Variants in CYP39A1 observed in about 807,000 individuals in gnomAD.
CYP39A1 encodes the protein 24-hydroxycholesterol 7-alpha-hydroxylase.
Under a neutral mutation model 58.1 loss-of-function variants are expected in CYP39A1, and 49 were observed. The observed-to-expected ratio is 0.84, with a 90% CI of 0.67 to 1.07. The LOEUF (loss-of-function observed/expected upper bound fraction) is 1.07, where lower values mean the gene tolerates loss of function less well. Ranked by LOEUF, CYP39A1 falls within the 50% of genes least tolerant of loss-of-function variation. CYP39A1 has a pLI of 0.00. For synonymous variants in CYP39A1, 209 were observed against 187.6 expected, an observed-to-expected ratio of 1.11 and a Z score of -0.93; for missense variants, 531 against 539.4, an observed-to-expected ratio of 0.98 and a Z score of 0.16.
Position 46,553,777 on chromosome 6 carries a change from A to G in CYP39A1, c.1328T>C (p.Leu443Ser). 6.2e-7 allele frequency: 1 copy of G among 1,607,292 alleles called. No individual in the cohort carries two copies. Among genetic ancestry groups the G allele is most frequent in the Non-Finnish European group, 8.5e-7 (1 of 1,174,436 alleles). Reference sequence around the variant, plus strand: ...TCTGAAAACACTTACCTGTTTGGGTAATGGGTCCAGAAGACTACAGTCATA... The same window carrying G: ...TCTGAAAACACTTACCTGTTTGGGTGATGGGTCCAGAAGACTACAGTCATA... Reference protein sequence around the residue: ...YKYDCSLLDPLPKQSYLHLVG... With the variant: ...YKYDCSLLDPSPKQSYLHLVG... The change falls in exon 11 of 12, where the codon TTA becomes TCA. Residue 443 changes from leucine to serine, a missense_variant. Coordinates refer to ENST00000275016, the MANE Select transcript of CYP39A1 (RefSeq NM_016593.5).
At chr6:46,583,637 T>C in intron 10 of CYP39A1, 1 of 972,904 alleles carries the variant, frequency 1.0e-6, no homozygotes, top group Non-Finnish European at 1.2e-6. Context: ...GTAGAATTAC[T>C]AGAAAGATTT....
In CYP39A1 at chr6:46,550,046, G is replaced by A; in HGVS notation, c.*320C>T. The A allele has an allele frequency of 4.8e-6, 1 of 207,242 alleles. No homozygotes were observed. The highest frequency in any genetic ancestry group is 9.5e-6 in the Non-Finnish European group (1 of 104,840). The allele number at this position is 207,242 out of a possible 1,614,324, so 12.8% of individuals were successfully genotyped here. A position where few individuals can be genotyped will look rare whatever the true frequency, so the allele number is the denominator to read the frequency against. On this transcript the variant is annotated 3_prime_UTR_variant, in exon 12 of 12. Transcript: ENST00000275016. ...AATGTGATAAGATTTTCATTCAAATGACATTATTTCTATTTAATGTTTTAA... is the reference window on the plus strand; with the variant it reads ...AATGTGATAAGATTTTCATTCAAATAACATTATTTCTATTTAATGTTTTAA...
chr6:46,605,857 C>T (rs1316858639), intron 7 of CYP39A1, among the ~76,000 whole-genome samples: 1 of 152,136 alleles, frequency 6.6e-6, no homozygotes, highest in Non-Finnish European at 1.5e-5. Context: ...CTCTCAAAAT[C>T]TATTTACAGC....
chr6:46,639,792 C>A, intron 2 of CYP39A1, 124 bp from the exon 3 acceptor site: 1 of 706,974 alleles, frequency 1.4e-6, no homozygotes, highest in East Asian at 2.7e-5. Context: ...CATAAGGTCA[C>A]CTCCCATAAA....
chr6:46,633,939 A>G (rs1775809381), intron 5 of CYP39A1, among the ~76,000 whole-genome samples: 1 of 152,224 alleles, frequency 6.6e-6, no homozygotes, highest in Non-Finnish European at 1.5e-5. Context: ...GAAAACAGAG[A>G]CGCAATACAT....
intron 7 of CYP39A1, among the ~76,000 whole-genome samples, chr6:46,597,233 AG>A (rs1773222915): frequency 6.6e-6 from 1 of 152,124 alleles, no homozygotes; most frequent in South Asian, 2.1e-4. Context: ...AGTACCACGT[AG>A]GGACCAGGAG....
chr6:46,643,063 T>C (rs997563457), intron 1 of CYP39A1, among the ~76,000 whole-genome samples: 4 of 152,156 alleles, frequency 2.6e-5, no homozygotes, highest in Non-Finnish European at 4.4e-5. Flanking sequence ...TCCTACATCA[T>C]TAATTTTCCC....
intron 10 of CYP39A1, chr6:46,586,350 A>T (rs1282422158): frequency 2.0e-6 from 2 of 984,424 alleles, no homozygotes; most frequent in Admixed American, 6.2e-5. Context: ...CATTTCCCCT[A>T]CAGAATCATC....
intron 5 of CYP39A1, among the ~76,000 whole-genome samples, 169 bp downstream of exon 5, chr6:46,636,220 G>A (rs79318991): frequency 0.011 from 1,727 of 152,226 alleles, 32 homozygotes; most frequent in African/African-American, 0.039. Flanking sequence ...CTTCTACATA[G>A]GTTGTTGTGA....
chr6:46,607,410 C>A (rs559270959), intron 7 of CYP39A1, among the ~76,000 whole-genome samples: 99 of 151,520 alleles, frequency 6.5e-4, no homozygotes, highest in African/African-American at 2.2e-3. Flanking sequence ...TAAAGGATGT[C>A]CTTCTTTGAG....
At chr6:46,604,316 C>T (rs114810219) in intron 7 of CYP39A1, among the ~76,000 whole-genome samples, 129 of 152,246 alleles carry the variant, frequency 8.5e-4, no homozygotes, top group African/African-American at 2.4e-3. Flanking sequence ...CCTGACTTTA[C>T]GATGGAATAT....
intron 10 of CYP39A1, chr6:46,583,075 A>T: frequency 1.7e-5 from 17 of 985,364 alleles, no homozygotes; most frequent in Non-Finnish European, 2.0e-5. Flanking sequence ...GACTCCCTAG[A>T]ATACATGAAA....
At position 46,631,207 on chromosome 6, in the gene CYP39A1, G is replaced by A. The variant is rs1388214311; in HGVS notation, c.733-137C>T. On this transcript the variant is annotated intron_variant, in intron 5 of 11. Transcript: ENST00000275016. ...TCCCAGGTTTTGCAGTTTGAGGCAT[G>A]TGAAGGGATTTATGTCCTTACTGTA... The A allele has an allele frequency of 4.3e-6, 3 of 695,068 alleles. No individual in the cohort carries two copies. In the African/African-American group the frequency reaches 5.4e-5, roughly 12 times the overall value. The allele number at this position is 695,068 out of a possible 1,614,324, so 43.1% of individuals were successfully genotyped here.
At chr6:46,557,933 CAAAAAAAAAA>C (rs1186594398) in intron 10 of CYP39A1, among the ~76,000 whole-genome samples, 1 of 37,642 alleles carries the variant, frequency 2.7e-5, no homozygotes, top group Non-Finnish European at 5.4e-5. Context: ...GACTCCATCT[CAAAAAAAAAA>C]AAAAAAAAAA....
chr6:46,587,937 C>G (rs1582343537), intron 9 of CYP39A1, 97 bp downstream of exon 9: 30 of 646,638 alleles, frequency 4.6e-5, no homozygotes, highest in Non-Finnish European at 2.5e-6. Flanking sequence ...AATATGGCTG[C>G]TTAATTATAT....
At chr6:46,637,169 G>A (rs919162600) in intron 4 of CYP39A1, among the ~76,000 whole-genome samples, 16 of 152,074 alleles carry the variant, frequency 1.1e-4, no homozygotes, top group Admixed American at 5.2e-4. Flanking sequence ...ATGCTGGCCC[G>A]CTCATTTCAG....
chr6:46,630,641 C>T (rs1451903556), intron 6 of CYP39A1, among the ~76,000 whole-genome samples: 2 of 152,136 alleles, frequency 1.3e-5, no homozygotes, highest in Non-Finnish European at 2.9e-5. Context: ...ATACTGAGCA[C>T]ATTGGTAGAC....
rs192840138 is a variant in CYP39A1, at chr6:46,570,678, T to C, written c.1250+16399A>G. On this transcript the variant is annotated intron_variant, in intron 10 of 11. Coordinates refer to ENST00000275016, the MANE Select transcript of CYP39A1 (RefSeq NM_016593.5). ...GAGGGCCTCAGGAGGCTTACAGTCA[T>C]GGAAGAAGGTGAAGGGGAGCCAGCA... Among the ~76,000 whole-genome samples, 3 of 152,208 alleles carry C rather than the reference T, an allele frequency of 2.0e-5. No individual in the cohort carries two copies. In the East Asian group the frequency reaches 5.8e-4, roughly 29 times the overall value.
chr6:46,637,677 T>C (rs1345764933), intron 4 of CYP39A1, 152 bp downstream of exon 4: 2 of 715,268 alleles, frequency 2.8e-6, no homozygotes, highest in Admixed American at 6.7e-5. Flanking sequence ...CTCCTTCAAT[T>C]CACATACAGA....
Sources: allele counts gnomAD v4.1 joint callset (sites outside exome capture counted in the v4.1 genomes callset), GRCh38; gene constraint gnomAD v4.1.1; transcripts MANE v1.5; gene names NCBI Gene and HGNC (gene_info 2026-07-23, HGNC 2026-07-21).